ZFP64: variants seen among roughly 807,000 people sequenced by gnomAD.
The protein encoded by ZFP64 is ZFP64 zinc finger protein, also known as zinc finger protein 64.
In ZFP64, 14 loss-of-function variants were observed where a neutral mutation model predicts 51.6. The observed-to-expected ratio is 0.27, with a 90% confidence interval of 0.18 to 0.42. The LOEUF is 0.42. ZFP64 is among the 10% of genes least tolerant of loss of function. ZFP64 has a pLI of 1.00. For synonymous variants in ZFP64, 375 were observed against 361.4 expected, an observed-to-expected ratio of 1.04 and a Z score of -0.43; for missense variants, 754 against 906.8, an observed-to-expected ratio of 0.83 and a Z score of 2.16.
At chr20:52,119,010 G>A (rs62216893) in intron 5 of ZFP64, among the ~76,000 whole-genome samples, 26,703 of 152,166 alleles carry the variant, frequency 0.18, 2,500 homozygotes, top group Non-Finnish European at 0.21. Context: ...GGGTGTGGTG[G>A]TGTGTGCCTG....
At chr20:52,162,393 G>A (rs957527463) in intron 4 of ZFP64, among the ~76,000 whole-genome samples, 10 of 152,034 alleles carry the variant, frequency 6.6e-5, no homozygotes, top group South Asian at 2.1e-4. Flanking sequence ...TTGGGAGGCC[G>A]AGGCGGGCGG....
At chr20:52,173,939 C>T (rs747828857) in intron 2 of ZFP64, among the ~76,000 whole-genome samples, 11 of 152,110 alleles carry the variant, frequency 7.2e-5, no homozygotes, top group Non-Finnish European at 1.2e-4. Flanking sequence ...TGTGAGCCAC[C>T]GGTGCCCAGC....
intron 7 of ZFP64, among the ~76,000 whole-genome samples, chr20:52,093,691 G>T (rs2078954067): frequency 1.3e-5 from 2 of 152,086 alleles, no homozygotes; most frequent in African/African-American, 4.8e-5. Flanking sequence ...TGCAATTAGG[G>T]TAGTTAATAT....
chr20:52,110,794 T>G (rs1978520645), intron 5 of ZFP64: 1 of 1,595,382 alleles, frequency 6.3e-7, no homozygotes, highest in African/African-American at 1.3e-5. Context: ...TGGGTAGCTC[T>G]CTTTGAGCAG....
At chr20:52,118,265 G>A (rs1033763071) in intron 5 of ZFP64, among the ~76,000 whole-genome samples, 6 of 149,906 alleles carry the variant, frequency 4.0e-5, no homozygotes, top group Non-Finnish European at 5.9e-5. Context: ...GAAATTTGGT[G>A]GAGGAGGATT....
chr20:52,088,462 G>C lies in ZFP64; in HGVS notation c.1158C>G (p.Tyr386Ter). ...TGGCATAGGGGCAGAGCTGGCATTT[G>C]TACGGCCGCTCATCAGAGTGGATCC... is the stretch of plus-strand genomic sequence containing the variant. The change falls in exon 8 of 9, where the codon TAC becomes TAG. Residue 386 changes from tyrosine (Y) to a stop codon, truncating the protein, a stop_gained. Coordinates refer to the ZFP64 transcript ENST00000361387. LOFTEE classifies it high-confidence loss of function. 1.2e-6 allele frequency: 2 copies of C among 1,614,204 alleles called. No homozygotes were observed. Among genetic ancestry groups the C allele is most frequent in the South Asian group, 2.2e-5 (2 of 91,084 alleles).
chr20:52,147,301 A>C (rs937901583), downstream of ZFP64, among the ~76,000 whole-genome samples: 2 of 152,102 alleles, frequency 1.3e-5, no homozygotes, highest in Non-Finnish European at 2.9e-5. Flanking sequence ...TCCTGGGTTC[A>C]AGCAATTTCA....
At position 52,169,520 on chromosome 20, in the gene ZFP64, T is replaced by C. The variant is rs1386627611; in HGVS notation, c.287-3495A>G. On this transcript the variant is annotated intron_variant, in intron 2 of 5. Transcript: ENST00000216923. ...GCTCGCGGGCTCCTCAGCACTCTCTTGAAAGGTAGGTGGTAGGCCCTTCAC... is the reference window on the plus strand; with the variant it reads ...GCTCGCGGGCTCCTCAGCACTCTCTCGAAAGGTAGGTGGTAGGCCCTTCAC... Among the ~76,000 whole-genome samples, 3 of 152,106 alleles carry C rather than the reference T, an allele frequency of 2.0e-5. No homozygotes were observed. In the East Asian group the frequency reaches 5.8e-4, roughly 29 times the overall value.
intron 7 of ZFP64, among the ~76,000 whole-genome samples, chr20:52,090,020 C>T (rs2078905833): frequency 6.6e-6 from 1 of 152,066 alleles, no homozygotes; most frequent in African/African-American, 2.4e-5. Flanking sequence ...GAAGATACAG[C>T]TAAAGAATCT....
At chr20:52,133,883 G>T (rs1979841700) in intron 5 of ZFP64, among the ~76,000 whole-genome samples, 1 of 151,862 alleles carries the variant, frequency 6.6e-6, no homozygotes, top group Non-Finnish European at 1.5e-5. Flanking sequence ...ACAAAAATTA[G>T]CTGGGCATGG....
chr20:52,092,372 T>TG (rs35582900), intron 7 of ZFP64, among the ~76,000 whole-genome samples: 26,869 of 152,184 alleles, frequency 0.18, 3,026 homozygotes, highest in South Asian at 0.43. Context: ...ATTGTTCCCT[T>TG]GGGGGGTGAA....
chr20:52,094,030 G>A (rs2078958115), intron 7 of ZFP64, among the ~76,000 whole-genome samples: 1 of 152,092 alleles, frequency 6.6e-6, no homozygotes, highest in Non-Finnish European at 1.5e-5. Context: ...AAATTGCCAG[G>A]AGTGCATAGC....
Position 52,152,541 on chromosome 20 carries a change from G to T in ZFP64, c.1651C>A (p.Pro551Thr), listed in dbSNP as rs1326203564. 6.3e-7 allele frequency: 1 copy of T among 1,585,898 alleles called. No individual in the cohort carries two copies. Residue 551 changes from proline (P) to threonine (T), a missense_variant, in exon 6 of 6, where the codon CCC (proline) becomes ACC (threonine). By Grantham distance (38) the Pro-to-Thr change is conservative. Transcript: ENST00000216923. ...CTCGGACACCGCGAGGACTGAGGGGGGGCGATCAGACTGACCTGGCGCAGG... is the reference window on the plus strand; with the variant it reads ...CTCGGACACCGCGAGGACTGAGGGGTGGCGATCAGACTGACCTGGCGCAGG... The part of the protein sequence containing the change: ...QILRQVSLIA[P>T]PQSSRCPSEA...
intron 5 of ZFP64, among the ~76,000 whole-genome samples, chr20:52,106,715 C>T (rs1052354981): frequency 1.3e-5 from 2 of 152,082 alleles, no homozygotes; most frequent in African/African-American, 4.8e-5. Flanking sequence ...GTTAAATTTC[C>T]GAGACTTAAA....
intron 2 of ZFP64, among the ~76,000 whole-genome samples, chr20:52,171,878 G>A (rs1982769248): frequency 6.6e-6 from 1 of 151,870 alleles, no homozygotes. Flanking sequence ...CTCCTGAGTA[G>A]CTGGGACTAC....
In ZFP64 at chr20:52,084,680, C is replaced by T. The variant is rs569117649; in HGVS notation, c.1815G>A (p.Gln605=). The T allele has an allele frequency of 1.1e-5, 17 of 1,614,272 alleles. No individual in the cohort carries two copies. The African/African-American group carries it at 1.7e-4, about 16-fold the overall frequency. ...CCAAGTCTGAGTTCTTGTTCTCACT[C>T]TGATCACTGTGCTGCTTCTTGTGGC... The change falls in exon 9 of 9, where the codon CAG becomes CAA. Residue 605 remains glutamine (Q), a synonymous_variant. Transcript: ENST00000361387.
intron 5 of ZFP64, among the ~76,000 whole-genome samples, chr20:52,106,375 C>T (rs1978317105): frequency 6.6e-6 from 1 of 152,282 alleles, no homozygotes; most frequent in Middle Eastern, 3.4e-3. Flanking sequence ...CAAGCTTGCC[C>T]GAACCTGAGA....
intron 2 of ZFP64, among the ~76,000 whole-genome samples, chr20:52,184,098 G>A (rs561173141): frequency 2.0e-5 from 3 of 152,166 alleles, no homozygotes; most frequent in Non-Finnish European, 2.9e-5. Context: ...GATCCGCCTC[G>A]GTCTCCCAAA....
At chr20:52,093,958 AT>A (rs1351882838) in intron 7 of ZFP64, among the ~76,000 whole-genome samples, 1 of 152,336 alleles carries the variant, frequency 6.6e-6, no homozygotes, top group African/African-American at 2.4e-5. Context: ...TCACAATATG[AT>A]TTTTTTAAAT....
Sources: allele counts gnomAD v4.1 joint callset (sites outside exome capture counted in the v4.1 genomes callset), GRCh38; gene constraint gnomAD v4.1.1; transcripts MANE v1.5; gene names NCBI Gene and HGNC (gene_info 2026-07-23, HGNC 2026-07-21).